The following PYCR2 variants were observed in gnomAD, a reference collection of about 807,000 sequenced individuals.
PYCR2 encodes the protein pyrroline-5-carboxylate reductase 2, also known as P5C reductase 2.
PYCR2 carries 17 observed loss-of-function variants against 23.4 expected under a neutral mutation model. The observed-to-expected ratio is 0.73, with a 90% CI of 0.50 to 1.09. The LOEUF (loss-of-function observed/expected upper bound fraction) is 1.09. Among genes scored for constraint, PYCR2 ranks in the 50% least tolerant of loss-of-function variants. The pLI is 0.00. For missense variants in PYCR2, 380 were observed against 423.5 expected (o/e 0.90, Z 0.90); for synonymous variants, 172 against 176.6 (o/e 0.97, Z 0.21).
chr1:225,923,445 T>C lies in PYCR2; in HGVS notation c.138+256A>G, dbSNP rs1576148724. 5.2e-6 allele frequency: 7 copies of C among 1,349,658 alleles called. No individual in the cohort carries two copies. In the East Asian group the frequency reaches 1.8e-4, roughly 34 times the overall value. The allele number at this position is 1,349,658 out of a possible 1,614,324, so 83.6% of individuals were successfully genotyped here. Reference sequence around the variant, plus strand: ...TAGGTACCTACTATGTGCCAGGTGCTTTCATCACATAATCACCTCAGTTAA... The same window carrying C: ...TAGGTACCTACTATGTGCCAGGTGCCTTCATCACATAATCACCTCAGTTAA... On this transcript the variant is annotated intron_variant, in intron 2 of 6. Transcript: ENST00000343818.
chr1:225,924,200 G>T lies in PYCR2; in HGVS notation c.-90C>A, dbSNP rs1671935792. On this transcript the variant is annotated 5_prime_UTR_variant, in exon 1 of 7. Transcript: ENST00000343818. ...TAGGGGAAGGGCGGACAGCGCAGGG[G>T]CGAACGGGCGGCGTGCCGAGGACCG... The T allele has an allele frequency of 5.7e-6, 8 of 1,397,960 alleles. No individual in the cohort carries two copies. Among genetic ancestry groups the T allele is most frequent in the Non-Finnish European group, 7.6e-6 (8 of 1,050,120 alleles). The allele number at this position is 1,397,960 out of a possible 1,614,324, so 86.6% of individuals were successfully genotyped here.
rs561307315 is a variant in PYCR2 at position 225,923,370 on chromosome 1, C to T, written c.138+331G>A. 27 of 892,876 alleles carry T rather than the reference C, an allele frequency of 3.0e-5. No homozygotes were observed. The South Asian group carries it at 7.5e-4, about 25-fold the overall frequency. The allele number at this position is 892,876 out of a possible 1,614,324, so 55.3% of individuals were successfully genotyped here. ...TCGCGCCACTGCACTCCAGCTTGGG[C>T]GACAGAGTAAGACCCTGTCTGAAAA... is the stretch of plus-strand genomic sequence containing the variant. On this transcript the variant is annotated intron_variant, in intron 2 of 6. Coordinates refer to ENST00000343818, the MANE Select transcript of PYCR2 (RefSeq NM_013328.4).
chr1:225,922,051 T>A lies in PYCR2; in HGVS notation c.347A>T (p.Lys116Ile), dbSNP rs758214339. 1 of 1,613,980 alleles carries A rather than the reference T, an allele frequency of 6.2e-7. No individual in the cohort carries two copies. Among genetic ancestry groups the A allele is most frequent in the Non-Finnish European group, 8.5e-7 (1 of 1,180,012 alleles). Residue 116 changes from lysine to isoleucine, a missense_variant, in exon 4 of 7, where the codon AAA becomes ATA. Coordinates refer to ENST00000343818, the MANE Select transcript of PYCR2 (RefSeq NM_013328.4). ...KKLMAFQPAP[K>I]VIRCMTNTPV... ...TGTGTTGGTCATGCAGCGAATCACT[T>A]TGGGGGCTGGCTGGAATGCCATCAG... is the stretch of plus-strand genomic sequence containing the variant.
In PYCR2 at chr1:225,922,118, C is replaced by T. The variant is rs889150475; in HGVS notation, c.319-39G>A. On this transcript the variant is annotated intron_variant, in intron 3 of 6. Transcript: ENST00000343818. The stretch of plus-strand genomic sequence containing the variant: ...GAGAGCCGAATGAGTGGCCAGGGCA[C>T]GGCTCCCACCAGCACCCACCCATTA... 10 of 1,607,926 alleles carry T rather than the reference C, an allele frequency of 6.2e-6. No individual in the cohort carries two copies. In the Admixed American group the frequency reaches 6.7e-5, roughly 11 times the overall value.
rs1264297645 is a variant in PYCR2 at position 225,923,694 on chromosome 1, C to T, written c.138+7G>A. On this transcript the variant is annotated splice_region_variant and intron_variant, in intron 2 of 6. Coordinates refer to ENST00000343818, the MANE Select transcript of PYCR2 (RefSeq NM_013328.4). ...ACCCGCTTCCCACTCCGCCCGGCTC[C>T]ACCTACCCTGAGCGCGGACACCGTG... 5 of 1,613,970 alleles carry T rather than the reference C, an allele frequency of 3.1e-6. No homozygotes were observed. The Admixed American group carries it at 8.3e-5, about 27-fold the overall frequency.
chr1:225,921,358 A>C lies in PYCR2; in HGVS notation c.647T>G (p.Met216Arg), dbSNP rs1008290173. The C allele has an allele frequency of 6.5e-7, 1 of 1,545,120 alleles. No individual in the cohort carries two copies. Among genetic ancestry groups the C allele is most frequent in the Admixed American group, 1.7e-5 (1 of 59,762 alleles). Residue 216 changes from methionine (M) to arginine (R), a missense_variant, in exon 6 of 7, where the codon ATG becomes AGG. By Grantham distance (91) the Met-to-Arg change is moderately conservative. Transcript: ENST00000343818. The surrounding 1 kb of genome is among the most constrained non-coding windows in gnomAD (Gnocchi z 4.2). The stretch of plus-strand genomic sequence containing the variant: ...TGGATGCTGCTCCGAGTCCAGCAGC[A>C]TCTTGGCAGCTCCCTATGGGGAAGG... ...GAQALLGAAKMLLDSEQHPCQ... is the reference protein window; with the variant it reads ...GAQALLGAAKRLLDSEQHPCQ...
In PYCR2 at chr1:225,921,913, A is replaced by G. The variant is rs771908223; in HGVS notation, c.485T>C (p.Val162Ala). 1.9e-6 allele frequency: 3 copies of G among 1,613,618 alleles called. No homozygotes were observed. The East Asian group carries it at 6.7e-5, about 36-fold the overall frequency. ...LMSSVGFCTEVEEDLIDAVTG... is the reference protein window; with the variant it reads ...LMSSVGFCTEAEEDLIDAVTG... Reference sequence around the variant, plus strand: ...GACGGCATCGATGAGGTCCTCTTCCACCTCAGTGCAGAAGCCCACGCTGCT... The same window carrying G: ...GACGGCATCGATGAGGTCCTCTTCCGCCTCAGTGCAGAAGCCCACGCTGCT... The change falls in exon 4 of 7, where the codon GTG becomes GCG. Residue 162 changes from valine to alanine, a missense_variant. Val to Ala is a moderately conservative substitution (Grantham distance 64). Coordinates refer to ENST00000343818, the MANE Select transcript of PYCR2 (RefSeq NM_013328.4). This position sits in a 1 kb window ranked among gnomAD's most constrained non-coding sequence, Gnocchi z 4.2.
intron 2 of PYCR2, chr1:225,922,761 C>G (rs925874852): frequency 6.7e-5 from 16 of 238,020 alleles, no homozygotes; most frequent in African/African-American, 3.6e-4. Context: ...CCTATCCTAA[C>G]CCTGGCCGCT....
Position 225,924,246 on chromosome 1 carries a change from G to T in PYCR2, c.-136C>A, listed in dbSNP as rs1016190255. ...GACCGGCGAGCTAACAGCAGCTTCT[G>T]GGATGGTGCAACCCTATTCTCCCCC... On this transcript the variant is annotated 5_prime_UTR_variant, in exon 1 of 7. Coordinates refer to ENST00000343818, the MANE Select transcript of PYCR2 (RefSeq NM_013328.4). The T allele has an allele frequency of 7.0e-6, 7 of 998,928 alleles. No homozygotes were observed. Among genetic ancestry groups the T allele is most frequent in the Admixed American group, 5.5e-5 (2 of 36,278 alleles). The allele number at this position is 998,928 out of a possible 1,614,324, so 61.9% of individuals were successfully genotyped here.
rs544258242 is a variant in PYCR2 at position 225,921,682 on chromosome 1, T to G, written c.541-38A>C. The G allele has an allele frequency of 9.6e-5, 154 of 1,609,258 alleles. 3 individuals carry two copies. In the South Asian group the frequency reaches 1.6e-3, roughly 17 times the overall value. ...TCACTAAGCCCCAGGCCATAGGCAC[T>G]GAAGGGCCTTTCCTTAGGTCTGCTT... On this transcript the variant is annotated intron_variant, in intron 4 of 6. Coordinates refer to ENST00000343818, the MANE Select transcript of PYCR2 (RefSeq NM_013328.4). The surrounding 1 kb of genome is among the most constrained non-coding windows in gnomAD (Gnocchi z 4.2).
chr1:225,922,505 T>A (rs917109695), intron 2 of PYCR2, 122 bp from the exon 3 acceptor site: 12 of 1,051,188 alleles, frequency 1.1e-5, no homozygotes, highest in Non-Finnish European at 1.7e-5. Context: ...TTCTTAGCTT[T>A]ATGCCCTCAG....
Position 225,924,202 on chromosome 1 carries a change from G to T in PYCR2, c.-92C>A. 2.2e-6 allele frequency: 3 copies of T among 1,388,778 alleles called. No individual in the cohort carries two copies. Among genetic ancestry groups the T allele is most frequent in the Non-Finnish European group, 2.9e-6 (3 of 1,043,402 alleles). The allele number at this position is 1,388,778 out of a possible 1,614,324, so 86.0% of individuals were successfully genotyped here. A position where few individuals can be genotyped will look rare whatever the true frequency, so the allele number is the denominator to read the frequency against. On this transcript the variant is annotated 5_prime_UTR_variant, in exon 1 of 7. Transcript: ENST00000343818. ...GGGGAAGGGCGGACAGCGCAGGGGC[G>T]AACGGGCGGCGTGCCGAGGACCGGC...
chr1:225,920,341 C>CT lies in PYCR2; in HGVS notation c.*113dup. ...AGGACCTGAAAACTTCCTAAGCATGCTTTCTCCTTGCACAGCTGAGGAGGG... is the reference window on the plus strand; with the variant it reads ...AGGACCTGAAAACTTCCTAAGCATGCTTTTCTCCTTGCACAGCTGAGGAGGG... On this transcript the variant is annotated 3_prime_UTR_variant, in exon 7 of 7. Transcript: ENST00000343818. 4 of 1,064,298 alleles carry CT rather than the reference C, an allele frequency of 3.8e-6. No homozygotes were observed. The highest frequency in any genetic ancestry group is 2.2e-5 in the South Asian group (1 of 46,446). 65.9% of individuals were successfully genotyped at this position (1,064,298 alleles called of 1,614,324 possible).
intron 6 of PYCR2, 61 bp from the exon 7 acceptor site, chr1:225,920,681 A>C (rs1024783143): frequency 6.5e-7 from 1 of 1,548,152 alleles, no homozygotes; most frequent in Non-Finnish European, 8.9e-7. Flanking sequence ...CAGAGCTTTG[A>C]GTCTCCACTA....
At position 225,922,269 on chromosome 1, in the gene PYCR2, C is replaced by T. The variant is rs774296800; in HGVS notation, c.253G>A (p.Asp85Asn). Reference sequence around the variant, plus strand: ...ACCACGATGTGTCTGGCTTGCACGTCGGCCCCAATCTCATCCAGGATGAAG... The same window carrying T: ...ACCACGATGTGTCTGGCTTGCACGTTGGCCCCAATCTCATCCAGGATGAAG... ...IPFILDEIGADVQARHIVVSC... is the reference protein window; with the variant it reads ...IPFILDEIGANVQARHIVVSC... The change falls in exon 3 of 7, where the codon GAC (aspartate) becomes AAC (asparagine). Residue 85 changes from aspartate (D) to asparagine (N), a missense_variant. Asp to Asn is a conservative substitution (Grantham distance 23). Transcript: ENST00000343818. The T allele has an allele frequency of 7.2e-5, 117 of 1,614,102 alleles. No homozygotes were observed. Among genetic ancestry groups the T allele is most frequent in the Non-Finnish European group, 8.6e-5 (102 of 1,180,044 alleles).
intron 2 of PYCR2, chr1:225,922,919 C>T (rs1396048639): frequency 2.3e-6 from 2 of 872,714 alleles, no homozygotes; most frequent in Non-Finnish European, 2.8e-6. Context: ...TCACCTGCCT[C>T]ATCAGCCATC....
Position 225,920,516 on chromosome 1 carries a change from G to T in PYCR2, c.902C>A (p.Thr301Asn). 1 of 1,549,560 alleles carries T rather than the reference G, an allele frequency of 6.5e-7. No homozygotes were observed. ...KLESPTVSTL[T>N]PSSPGKLLTR... ...GAGGAGCTTCCCTGGGCTGGAGGGG[G>T]TCAGTGTGGAGACTGTGGGGGATTC... Residue 301 changes from threonine to asparagine, a missense_variant, in exon 7 of 7, where the codon ACC becomes AAC. Transcript: ENST00000343818.
At position 225,920,268 on chromosome 1, in the gene PYCR2, G is replaced by T. The variant is rs975641064; in HGVS notation, c.*187C>A. On this transcript the variant is annotated 3_prime_UTR_variant, in exon 7 of 7. Coordinates refer to ENST00000343818, the MANE Select transcript of PYCR2 (RefSeq NM_013328.4). ...CAACTTCCAACATGGGACAGGAGAG[G>T]AAGCTCGCATTGCTTGGTCTGAACA... is the stretch of plus-strand genomic sequence containing the variant. 1.9e-5 allele frequency: 9 copies of T among 463,888 alleles called. No homozygotes were observed. Among genetic ancestry groups the T allele is most frequent in the African/African-American group, 1.8e-4 (9 of 49,056 alleles). 28.7% of individuals were successfully genotyped at this position (463,888 alleles called of 1,614,324 possible). A position where few individuals can be genotyped will look rare whatever the true frequency, so the allele number is the denominator to read the frequency against.
At chr1:225,923,482 T>C (rs1671905779) in intron 2 of PYCR2, 1 of 1,408,428 alleles carries the variant, frequency 7.1e-7, no homozygotes, top group Admixed American at 2.9e-5. Flanking sequence ...CCTCTACCAC[T>C]CCAGTGTCTG....
Sources: gnomAD v4.1 joint callset for allele counts on GRCh38, gnomAD v4.1.1 for gene constraint, Gnocchi (gnomAD v3.1) non-coding constraint, MANE v1.5 for transcripts, NCBI Gene and HGNC (gene_info 2026-07-23, HGNC 2026-07-21) for gene names.